The following NHS variants were observed in gnomAD, a reference collection of about 807,000 sequenced individuals.
NHS encodes the protein actin remodeling regulator NHS.
NHS carries 5 observed loss-of-function variants against 72.5 expected under a neutral mutation model. The observed-to-expected ratio is 0.07, with a 90% CI of 0.04 to 0.14. The LOEUF is 0.14. NHS is among the 10% of genes least tolerant of loss of function. The pLI is 1.00. For missense variants in NHS, 1,072 were observed against 1,355.7 expected (o/e 0.79, Z 3.29); for synonymous variants, 464 against 547.7 (o/e 0.85, Z 2.13).
intron 1 of NHS, among the ~76,000 whole-genome samples, chrX:17,664,965 A>G (rs1250607624): frequency 9.0e-6 from 1 of 111,053 alleles, no homozygotes; most frequent in Non-Finnish European, 1.9e-5. Flanking sequence ...TTGTGATGCT[A>G]TCATAAATGG....
chrX:17,407,438 C>G (rs112463461), intron 1 of NHS, among the ~76,000 whole-genome samples: 2,075 of 111,408 alleles, frequency 0.019, 46 homozygotes, highest in African/African-American at 0.064. Flanking sequence ...CAACAGTGAA[C>G]TTATGGGTCT....
At chrX:17,496,676 G>A (rs912075566) in intron 1 of NHS, among the ~76,000 whole-genome samples, 1 of 111,413 alleles carries the variant, frequency 9.0e-6, no homozygotes, top group African/African-American at 3.3e-5. Flanking sequence ...TACACCACCC[G>A]TTCTTCTTCT....
intron 1 of NHS, among the ~76,000 whole-genome samples, chrX:17,491,244 A>G (rs1045679469): frequency 9.0e-6 from 1 of 111,605 alleles, no homozygotes; most frequent in African/African-American, 3.3e-5. Flanking sequence ...CCCATTCAGT[A>G]TGATGTTGGC....
chrX:17,695,498 C>G (rs1450474688), intron 3 of NHS, among the ~76,000 whole-genome samples: 1 of 111,674 alleles, frequency 9.0e-6, no homozygotes, highest in Non-Finnish European at 1.9e-5. Flanking sequence ...CAAAAAATGT[C>G]AACGAGTGTA....
At chrX:17,554,940 G>T (rs867748906) in intron 1 of NHS, among the ~76,000 whole-genome samples, 1 of 109,734 alleles carries the variant, frequency 9.1e-6, no homozygotes, top group South Asian at 3.9e-4. Context: ...ATGGTGGTTT[G>T]CTGCACCCAT....
intron 1 of NHS, among the ~76,000 whole-genome samples, chrX:17,624,977 T>A (rs897025413): frequency 1.8e-5 from 2 of 112,501 alleles, no homozygotes; most frequent in Non-Finnish European, 3.8e-5. Context: ...TCTGTTTGTA[T>A]GAGTTATATA....
Position 17,529,960 on chromosome X carries a change from A to G in NHS, c.565+153638A>G, listed in dbSNP as rs769921582. Among the ~76,000 whole-genome samples the G allele has an allele frequency of 6.3e-5, 7 of 110,721 alleles. No homozygotes were observed. The South Asian group carries it at 2.8e-3, about 44-fold the overall frequency. ...GACATGTGCCTTTCACTTCGCTTGG[A>G]GACTCTCTGGATGTGCAGGCTGCTT... On this transcript the variant is annotated intron_variant, in intron 1 of 8. Transcript: ENST00000676302.
At chrX:17,695,949 G>A (rs887751584) in intron 3 of NHS, among the ~76,000 whole-genome samples, 1 of 108,280 alleles carries the variant, frequency 9.2e-6, no homozygotes, top group South Asian at 4.1e-4. Flanking sequence ...AAAAGGGGGG[G>A]GGTATCTATT....
At chrX:17,526,311 T>C (rs12832234) in intron 1 of NHS, among the ~76,000 whole-genome samples, 31,491 of 111,530 alleles carry the variant, frequency 0.28, 3,912 homozygotes, top group Non-Finnish European at 0.4. Context: ...CAATCAGTGA[T>C]AGGTCAGCTG....
chrX:17,394,721 C>T (rs2064463814), intron 1 of NHS, among the ~76,000 whole-genome samples: 1 of 111,036 alleles, frequency 9.0e-6, no homozygotes, highest in Non-Finnish European at 1.9e-5. Flanking sequence ...CCTTCAACCC[C>T]CTAACTTCTT....
intron 1 of NHS, among the ~76,000 whole-genome samples, chrX:17,624,282 A>T (rs1416816930): frequency 8.9e-6 from 1 of 112,719 alleles, no homozygotes; most frequent in Non-Finnish European, 1.9e-5. Flanking sequence ...GCATGGTGTA[A>T]AAACAATAAT....
intron 1 of NHS, among the ~76,000 whole-genome samples, chrX:17,535,538 G>T (rs1208855742): frequency 1.8e-5 from 2 of 111,232 alleles, no homozygotes; most frequent in African/African-American, 6.6e-5. Flanking sequence ...GCCCACCATG[G>T]TATATTTCAG....
chrX:17,602,333 G>C (rs189165976), intron 1 of NHS, among the ~76,000 whole-genome samples: 1 of 112,117 alleles, frequency 8.9e-6, no homozygotes, highest in East Asian at 2.8e-4. Context: ...CTTAGAACTG[G>C]TAAGGCAGGG....
At chrX:17,652,526 G>T (rs772362371) in intron 1 of NHS, among the ~76,000 whole-genome samples, 9 of 112,057 alleles carry the variant, frequency 8.0e-5, no homozygotes, top group African/African-American at 1.9e-4. Flanking sequence ...ACTCATATGT[G>T]AGAGCTAAAA....
intron 1 of NHS, among the ~76,000 whole-genome samples, chrX:17,651,675 C>G (rs980192493): frequency 2.7e-5 from 3 of 112,114 alleles, no homozygotes. Context: ...CTTCTGCCCA[C>G]ATTCCATTGG....
chrX:17,459,688 C>G (rs770782080), intron 1 of NHS, among the ~76,000 whole-genome samples: 1 of 111,449 alleles, frequency 9.0e-6, no homozygotes, highest in Admixed American at 9.5e-5. Flanking sequence ...TATTGTTGTC[C>G]GTGTTTTGAT....
intron 1 of NHS, among the ~76,000 whole-genome samples, chrX:17,681,897 G>T (rs2066131359): frequency 9.0e-6 from 1 of 111,604 alleles, no homozygotes; most frequent in Admixed American, 9.5e-5. Context: ...TTTGTTAAGA[G>T]ACCTAGATCT....
chrX:17,386,591 A>T (rs924783591), intron 1 of NHS, among the ~76,000 whole-genome samples: 1 of 99,061 alleles, frequency 1.0e-5, no homozygotes, highest in Non-Finnish European at 2.0e-5. Context: ...TGAACCCAGG[A>T]GGCGGAGGTT....
At chrX:17,715,537 T>C (rs1260683281) in intron 3 of NHS, among the ~76,000 whole-genome samples, 1 of 112,892 alleles carries the variant, frequency 8.9e-6, no homozygotes, top group East Asian at 2.8e-4. Flanking sequence ...TTTGGATAGA[T>C]ACCTGGTAGT....
Sources: allele counts gnomAD v4.1 joint callset (sites outside exome capture counted in the v4.1 genomes callset), GRCh38; gene constraint gnomAD v4.1.1; transcripts MANE v1.5; gene names NCBI Gene and HGNC (gene_info 2026-07-23, HGNC 2026-07-21).